The following ZDHHC16 variants were observed in gnomAD, a reference collection of about 807,000 sequenced individuals.
ZDHHC16 encodes zDHHC palmitoyltransferase 16.
In ZDHHC16, 33 loss-of-function variants were observed where a neutral mutation model predicts 54.4. The ratio of observed to expected loss-of-function variants is 0.61; its 90% CI spans 0.46 to 0.81. The LOEUF is 0.81. Among genes scored for constraint, ZDHHC16 ranks in the 30% least tolerant of loss-of-function variants. The pLI is 0.00. For missense variants in ZDHHC16, 420 were observed against 485.9 expected (o/e 0.86, Z 1.28); for synonymous variants, 185 against 182.1 (o/e 1.02, Z -0.13).
chr10:97,452,008 G>GC, intron 3 of ZDHHC16, 82 bp from the exon 4 acceptor site: 1 of 1,598,314 alleles, frequency 6.3e-7, no homozygotes, highest in Non-Finnish European at 8.5e-7. Flanking sequence ...TTGGAGGCCG[G>GC]CCCCCACCCC....
intron 6 of ZDHHC16, among the ~76,000 whole-genome samples, chr10:97,453,272 T>C (rs938978527): frequency 7.2e-5 from 11 of 152,182 alleles, no homozygotes; most frequent in Non-Finnish European, 1.3e-4. Flanking sequence ...GGCTGAAATA[T>C]TGGCAGATTC....
chr10:97,451,461 C>G (rs10882938), intron 2 of ZDHHC16, among the ~76,000 whole-genome samples: 54,342 of 152,198 alleles, frequency 0.36, 10,308 homozygotes, highest in Non-Finnish European at 0.43. Flanking sequence ...TCAGAACCAT[C>G]AGTTTTACTC....
At chr10:97,455,850 C>T in intron 10 of ZDHHC16, 67 bp downstream of exon 10, 1 of 1,603,244 alleles carries the variant, frequency 6.2e-7, no homozygotes, top group Non-Finnish European at 8.5e-7. Flanking sequence ...TAAACAGAGG[C>T]CATGGGCAGG....
At chr10:97,452,383 G>C (rs1846724448) in intron 4 of ZDHHC16, 32 bp from the exon 5 acceptor site, 4 of 1,612,396 alleles carry the variant, frequency 2.5e-6, no homozygotes, top group Admixed American at 1.7e-5. Context: ...GACAGAACTG[G>C]TGCTGCCACG....
In ZDHHC16 at chr10:97,446,229, G is replaced by A. The variant is rs574050351; in HGVS notation, c.-310G>A. On this transcript the variant is annotated 5_prime_UTR_variant, in exon 1 of 12. Transcript: ENST00000393760. Reference sequence around the variant, plus strand: ...GGGTCCGCTGCCTGGCGCTGCGGGCGGCGGGCCATGGTGGTTTGGATTGAG... The same window carrying A: ...GGGTCCGCTGCCTGGCGCTGCGGGCAGCGGGCCATGGTGGTTTGGATTGAG... The A allele has an allele frequency of 1.2e-4, 72 of 609,928 alleles. No individual in the cohort carries two copies. The highest frequency in any genetic ancestry group is 2.3e-4 in the Admixed American group (8 of 34,250). The allele number at this position is 609,928 out of a possible 1,614,324, so 37.8% of individuals were successfully genotyped here. A position where few individuals can be genotyped will look rare whatever the true frequency, so the allele number is the denominator to read the frequency against.
At chr10:97,449,719 A>G (rs139282306) in intron 1 of ZDHHC16, among the ~76,000 whole-genome samples, 2,168 of 152,140 alleles carry the variant, frequency 0.014, 50 homozygotes, top group African/African-American at 0.05. Context: ...CAGTAGAGAC[A>G]GTGTTTCACC....
At chr10:97,447,303 C>G (rs550933280) in intron 1 of ZDHHC16, among the ~76,000 whole-genome samples, 2 of 152,240 alleles carry the variant, frequency 1.3e-5, no homozygotes, top group Non-Finnish European at 2.9e-5. Context: ...AGATGACATT[C>G]GCCACGACTT....
At chr10:97,453,042 G>A in intron 6 of ZDHHC16, 119 bp downstream of exon 6, 1 of 1,312,744 alleles carries the variant, frequency 7.6e-7, no homozygotes. Context: ...GGAGTTGTGG[G>A]GCCTGACCAT....
chr10:97,448,244 C>T (rs1267717982), intron 1 of ZDHHC16: 1 of 152,216 alleles, frequency 6.6e-6, no homozygotes, highest in East Asian at 1.9e-4. Context: ...CAGGAGTGTC[C>T]TTGCTGGTAT....
chr10:97,452,660 CTG>C, intron 5 of ZDHHC16, 157 bp downstream of exon 5: 1 of 941,040 alleles, frequency 1.1e-6, no homozygotes, highest in Non-Finnish European at 1.6e-6. Context: ...TAGGATGGTC[CTG>C]TGAGTTAGGC....
At chr10:97,448,223 TAC>T (rs1196262695) in intron 1 of ZDHHC16, 2 of 152,272 alleles carry the variant, frequency 1.3e-5, no homozygotes, top group African/African-American at 4.8e-5. Context: ...TATTTAGTGT[TAC>T]CACATTGGCA....
At position 97,451,809 on chromosome 10, in the gene ZDHHC16, G is replaced by C. The variant is rs777699014; in HGVS notation, c.134G>C (p.Cys45Ser). ...LVQRWRYGKVCLRSLLYNSFG... is the reference protein window; with the variant it reads ...LVQRWRYGKVSLRSLLYNSFG... ...CAGCGCTGGCGCTACGGCAAGGTCT[G>C]CCTGCGCTCCCTGCTCTACAACTCC... The change falls in exon 3 of 12, where the codon TGC becomes TCC. Residue 45 changes from cysteine (C) to serine (S), a missense_variant. Coordinates refer to ENST00000393760, the MANE Select transcript of ZDHHC16 (RefSeq NM_198046.3). 6.2e-7 allele frequency: 1 copy of C among 1,614,104 alleles called. No homozygotes were observed. The highest frequency in any genetic ancestry group is 1.7e-5 in the Admixed American group (1 of 60,006).
chr10:97,451,639 G>T, intron 2 of ZDHHC16, 32 bp from the exon 3 acceptor site: 2 of 1,586,880 alleles, frequency 1.3e-6, no homozygotes. Flanking sequence ...GGAGGGCTCA[G>T]ACTAGATCCT....
Position 97,453,345 on chromosome 10 carries a change from T to C in ZDHHC16, c.557-185T>C, listed in dbSNP as rs576146645. ...TGGGACCTGAATGCTCTGAAAAGCT[T>C]TGAGCATTTTCACCTCAACCTTGGG... On this transcript the variant is annotated intron_variant, in intron 6 of 11. Transcript: ENST00000393760. Among the ~76,000 whole-genome samples, 6 of 152,208 alleles carry C rather than the reference T, an allele frequency of 3.9e-5. No individual in the cohort carries two copies. The South Asian group carries it at 1.2e-3, about 32-fold the overall frequency.
In ZDHHC16 at chr10:97,455,746, A is replaced by G; in HGVS notation, c.911A>G (p.Asn304Ser). 3.7e-6 allele frequency: 6 copies of G among 1,614,166 alleles called. No individual in the cohort carries two copies. Among genetic ancestry groups the G allele is most frequent in the Non-Finnish European group, 5.1e-6 (6 of 1,180,016 alleles). ...GAGACTAGCATCGAAAGGCACATCA[A>G]CAAGAAGGAGAGACGTCGGCTACAG... is the stretch of plus-strand genomic sequence containing the variant. Reference protein sequence around the residue: ...RGETSIERHINKKERRRLQAK... With the variant: ...RGETSIERHISKKERRRLQAK... Residue 304 changes from asparagine to serine, a missense_variant, in exon 10 of 12, where the codon AAC (asparagine) becomes AGC (serine). Transcript: ENST00000393760.
intron 5 of ZDHHC16, 36 bp from the exon 6 acceptor site, chr10:97,452,859 G>T (rs1846775266): frequency 6.2e-7 from 1 of 1,614,078 alleles, no homozygotes; most frequent in Non-Finnish European, 8.5e-7. Context: ...CAAGAACTTT[G>T]GCCACCGTAA....
At chr10:97,456,260 G>A (rs1847172780) in intron 11 of ZDHHC16, 3 of 527,670 alleles carry the variant, frequency 5.7e-6, no homozygotes. Flanking sequence ...TGACTACAGT[G>A]GAATCCTAGG....
At chr10:97,454,522 C>T (rs1280763064) in intron 8 of ZDHHC16, among the ~76,000 whole-genome samples, 192 bp from the exon 9 acceptor site, 1 of 152,212 alleles carries the variant, frequency 6.6e-6, no homozygotes, top group African/African-American at 2.4e-5. Context: ...CCCTGCTCTG[C>T]TGCCCAGTGT....
rs1312698461 is a variant in ZDHHC16 at position 97,457,001 on chromosome 10, C to A, written c.*110C>A. ...TCCTTGATCAAAAAGAGCCAGTGGG[C>A]CTGCCTTAGGGTACCATGCAGGACA... is the stretch of plus-strand genomic sequence containing the variant. On this transcript the variant is annotated 3_prime_UTR_variant, in exon 12 of 12. Transcript: ENST00000393760. 7 of 818,556 alleles carry A rather than the reference C, an allele frequency of 8.6e-6. No individual in the cohort carries two copies. Among genetic ancestry groups the A allele is most frequent in the Non-Finnish European group, 1.1e-5 (6 of 541,910 alleles). 50.7% of individuals were successfully genotyped at this position (818,556 alleles called of 1,614,324 possible).
Sources: gnomAD v4.1 joint callset for allele counts (sites outside exome capture counted in the v4.1 genomes callset) on GRCh38, gnomAD v4.1.1 for gene constraint, MANE v1.5 for transcripts, NCBI Gene and HGNC (gene_info 2026-07-23, HGNC 2026-07-21) for gene names.